Variants in PDGFRB observed in about 807,000 individuals in gnomAD.
PDGFRB encodes platelet derived growth factor receptor beta.
In PDGFRB, 42 loss-of-function variants were observed where a neutral mutation model predicts 120.2. That is an observed-to-expected ratio of 0.35 (90% CI 0.27 to 0.45). The LOEUF (loss-of-function observed/expected upper bound fraction) is 0.45. Ranked by LOEUF, PDGFRB falls within the 20% of genes least tolerant of loss-of-function variation. The pLI is 1.00. For synonymous variants in PDGFRB, 586 were observed against 606.8 expected, an observed-to-expected ratio of 0.97 and a Z score of 0.50; for missense variants, 1,149 against 1,476.3, an observed-to-expected ratio of 0.78 and a Z score of 3.63.
In PDGFRB at chr5:150,135,688, C is replaced by A; in HGVS notation, c.231G>T (p.Gln77His). The A allele has an allele frequency of 6.2e-7, 1 of 1,614,170 alleles. No homozygotes were observed. Residue 77 changes from glutamine to histidine, a missense_variant, in exon 3 of 23, where the codon CAG becomes CAT. Physicochemically the swap from Gln to His is conservative, Grantham distance 24 (BLOSUM62 0). Coordinates refer to ENST00000261799, the MANE Select transcript of PDGFRB (RefSeq NM_002609.4). Reference sequence around the variant, plus strand: ...TGAGCACGCTGGAGAAGGTGCCATCCTGGGCCTTGGCCATTTCCTGTGGGG... The same window carrying A: ...TGAGCACGCTGGAGAAGGTGCCATCATGGGCCTTGGCCATTTCCTGTGGGG... ...QEPPQEMAKA[Q>H]DGTFSSVLTL...
At position 150,121,883 on chromosome 5, in the gene PDGFRB, A is replaced by G; in HGVS notation, c.2341T>C (p.Ser781Pro). The G allele has an allele frequency of 6.2e-7, 1 of 1,610,474 alleles. No homozygotes were observed. The highest frequency in any genetic ancestry group is 8.5e-7 in the Non-Finnish European group (1 of 1,176,770). The change falls in exon 16 of 23, where the codon TCT (serine) becomes CCT (proline). Residue 781 changes from serine (S) to proline (P), a missense_variant. By Grantham distance (74) the Ser-to-Pro change is moderately conservative. Transcript: ENST00000261799. The surrounding 1 kb of genome is among the most constrained non-coding windows in gnomAD (Gnocchi z 4.1). ...YMAPYDNYVPSAPERTCRATL... is the reference protein window; with the variant it reads ...YMAPYDNYVPPAPERTCRATL... ...CTATGTCACTATGTCCACCCACCAG[A>G]GGGAACGTAGTTATCGTAAGGGGCC... is the stretch of plus-strand genomic sequence containing the variant.
chr5:150,136,908 G>A (rs1479242678), intron 2 of PDGFRB, 100 bp downstream of exon 2: 5 of 882,932 alleles, frequency 5.7e-6, no homozygotes, highest in Non-Finnish European at 9.3e-6. Flanking sequence ...CAGTGTGCCT[G>A]GTGCTTCACG....
At chr5:150,147,697 C>T (rs1760963324) in intron 1 of PDGFRB, among the ~76,000 whole-genome samples, 1 of 152,206 alleles carries the variant, frequency 6.6e-6, no homozygotes, top group Admixed American at 6.5e-5. Context: ...TTCACTGACC[C>T]TCTCACTGTC....
chr5:150,130,463 G>A, intron 9 of PDGFRB, 76 bp downstream of exon 9: 1 of 1,410,986 alleles, frequency 7.1e-7, no homozygotes, highest in African/African-American at 1.4e-5. Context: ...AGAAGAACGG[G>A]CGGGACTAGA....
At chr5:150,153,258 A>T (rs1761129609) in intron 1 of PDGFRB, among the ~76,000 whole-genome samples, 1 of 152,158 alleles carries the variant, frequency 6.6e-6, no homozygotes, top group Admixed American at 6.5e-5. Context: ...GCTGTCTGGG[A>T]GGAGGGTGCT....
rs200628633 is a variant in PDGFRB, at chr5:150,120,868, G to C, written c.2586+20C>G. On this transcript the variant is annotated intron_variant, in intron 18 of 22. Transcript: ENST00000261799. This position sits in a 1 kb window ranked among gnomAD's most constrained non-coding sequence, Gnocchi z 4.3. ...CACAGGCACTGTGACTGCCCTGCAG[G>C]GGCCAGGGAAGGTACTCACGCTGCC... 16 of 1,611,682 alleles carry C rather than the reference G, an allele frequency of 9.9e-6. No homozygotes were observed. In the Admixed American group the frequency reaches 2.2e-4, roughly 22 times the overall value.
intron 10 of PDGFRB, among the ~76,000 whole-genome samples, chr5:150,127,289 C>G (rs1760322094): frequency 6.6e-6 from 1 of 152,158 alleles, no homozygotes; most frequent in Admixed American, 6.5e-5. Context: ...CAGCTTCCCA[C>G]TCTCCTCATC....
chr5:150,124,785 C>G lies in PDGFRB; in HGVS notation c.1854G>C (p.Thr618=). The G allele has an allele frequency of 6.2e-7, 1 of 1,610,162 alleles. No homozygotes were observed. Among genetic ancestry groups the G allele is most frequent in the Non-Finnish European group, 8.5e-7 (1 of 1,177,528 alleles). The change falls in exon 13 of 23, where the codon ACG becomes ACC. Residue 618 remains threonine, a synonymous_variant. Coordinates refer to ENST00000261799, the MANE Select transcript of PDGFRB (RefSeq NM_002609.4). Reference sequence around the variant, plus strand: ...CCTGAGAATGGCTCAGGCCATGAGCCGTGGCCTCCACCACCTGCCCAAAGG... The same window carrying G: ...CCTGAGAATGGCTCAGGCCATGAGCGGTGGCCTCCACCACCTGCCCAAAGG... ...SGAFGQVVEA[T]AHGLSHSQAT...
chr5:150,129,484 A>G (rs1020614732), intron 10 of PDGFRB, among the ~76,000 whole-genome samples: 3 of 152,256 alleles, frequency 2.0e-5, no homozygotes, highest in East Asian at 1.9e-4. Context: ...GCTCATGTAC[A>G]TGGCTTACGA....
At position 150,121,201 on chromosome 5, in the gene PDGFRB, TAC is replaced by T; in HGVS notation, c.2463+1_2463+2del. 6.9e-7 allele frequency: 1 copy of T among 1,447,740 alleles called. No individual in the cohort carries two copies. 89.7% of individuals were successfully genotyped at this position (1,447,740 alleles called of 1,614,324 possible). A position where few individuals can be genotyped will look rare whatever the true frequency, so the allele number is the denominator to read the frequency against. On this transcript the variant is annotated splice_donor_variant, in intron 17 of 22. Coordinates refer to ENST00000261799, the MANE Select transcript of PDGFRB (RefSeq NM_002609.4). LOFTEE classifies it high-confidence loss of function. The surrounding 1 kb of genome is among the most constrained non-coding windows in gnomAD (Gnocchi z 4.1). ...CACTCTGCCCCACCAACACCACACG[TAC>T]GTTCTTGGAGGCCAGAAACTCCATG...
rs147952898 is a variant in PDGFRB, at chr5:150,135,755, G to A, written c.164C>T (p.Ser55Leu). 100 of 1,613,918 alleles carry A rather than the reference G, an allele frequency of 6.2e-5. No individual in the cohort carries two copies. Among genetic ancestry groups the A allele is most frequent in the Non-Finnish European group, 7.9e-5 (93 of 1,179,888 alleles). The change falls in exon 3 of 23, where the codon TCG becomes TTG. Residue 55 changes from serine (S) to leucine (L), a missense_variant. By Grantham distance (145) the Ser-to-Leu change is moderately radical. This residue lies in a region of PDGFRB where 879 missense variants were observed against 1,108.6 expected (regional missense o/e 0.79). Coordinates refer to ENST00000261799, the MANE Select transcript of PDGFRB (RefSeq NM_002609.4). ...NVSSTFVLTC[S>L]GSAPVVWERM... Reference sequence around the variant, plus strand: ...TTCCCACACCACCGGAGCTGAACCCGAGCAGGTCAGAACGAAGGTGCTGGA... The same window carrying A: ...TTCCCACACCACCGGAGCTGAACCCAAGCAGGTCAGAACGAAGGTGCTGGA...
rs890800361 is a variant in PDGFRB at position 150,133,995 on chromosome 5, G to A, written c.645C>T (p.Asn215=). The A allele has an allele frequency of 1.4e-5, 23 of 1,613,902 alleles. No individual in the cohort carries two copies. The highest frequency in any genetic ancestry group is 9.3e-5 in the African/African-American group (7 of 74,914). ...CAGTCTGCACTGCGTTCACAGAGAC[G>A]TTGATGGATGACACTGGTAGAGAGA... The part of the protein sequence containing the change: ...YVYRLQVSSI[N]VSVNAVQTVV... Residue 215 remains asparagine (N), a synonymous_variant, in exon 5 of 23, where the codon AAC becomes AAT. Transcript: ENST00000261799.
At position 150,114,132 on chromosome 5, in the gene PDGFRB, G is replaced by C. The variant is rs902322736; in HGVS notation, c.*1631C>G. 4.3e-6 allele frequency: 1 copy of C among 233,286 alleles called. No individual in the cohort carries two copies. Among genetic ancestry groups the C allele is most frequent in the Non-Finnish European group, 8.5e-6 (1 of 117,960 alleles). The allele number at this position is 233,286 out of a possible 1,614,324, so 14.5% of individuals were successfully genotyped here. On this transcript the variant is annotated 3_prime_UTR_variant, in exon 23 of 23. Coordinates refer to ENST00000261799, the MANE Select transcript of PDGFRB (RefSeq NM_002609.4). ...CTGCACCCCCTTCCCAACCCTCCCC[G>C]TGCGGGGGCGTCTTGGCTACAACCC...
At chr5:150,118,929 G>T in intron 20 of PDGFRB, 77 bp from the exon 21 acceptor site, 1 of 841,048 alleles carries the variant, frequency 1.2e-6, no homozygotes, top group Non-Finnish European at 2.0e-6. Flanking sequence ...GCAGGAGGCT[G>T]CTGCCTCTCA....
Position 150,120,936 on chromosome 5 carries a change from G to A in PDGFRB, c.2538C>T (p.Gly846=). The A allele has an allele frequency of 6.2e-7, 1 of 1,613,908 alleles. No homozygotes were observed. Among genetic ancestry groups the A allele is most frequent in the Non-Finnish European group, 8.5e-7 (1 of 1,179,814 alleles). ...EGKLVKICDF[G]LARDIMRDSN... The stretch of plus-strand genomic sequence containing the variant: ...AGTCCCGCATGATGTCTCGAGCCAG[G>A]CCAAAGTCACAGATCTTGACCAGCT... Residue 846 remains glycine (G), a synonymous_variant, in exon 18 of 23, where the codon GGC becomes GGT. Coordinates refer to ENST00000261799, the MANE Select transcript of PDGFRB (RefSeq NM_002609.4). The surrounding 1 kb of genome is among the most constrained non-coding windows in gnomAD (Gnocchi z 4.3).
chr5:150,150,395 C>T (rs1017084060), intron 1 of PDGFRB, among the ~76,000 whole-genome samples: 1 of 152,224 alleles, frequency 6.6e-6, no homozygotes, highest in African/African-American at 2.4e-5. Flanking sequence ...AACTTTCAGA[C>T]CCCCTGACCC....
Position 150,135,667 on chromosome 5 carries a change from C to T in PDGFRB, c.252G>A (p.Val84=), listed in dbSNP as rs140893382. Reference sequence around the variant, plus strand: ...GCCCAGTGAGGTTGGTCAGTGTGAGCACGCTGGAGAAGGTGCCATCCTGGG... The same window carrying T: ...GCCCAGTGAGGTTGGTCAGTGTGAGTACGCTGGAGAAGGTGCCATCCTGGG... ...AKAQDGTFSS[V]LTLTNLTGLD... The change falls in exon 3 of 23, where the codon GTG becomes GTA. Residue 84 remains valine (V), a synonymous_variant. Coordinates refer to ENST00000261799, the MANE Select transcript of PDGFRB (RefSeq NM_002609.4). 1.9e-6 allele frequency: 3 copies of T among 1,613,938 alleles called. No homozygotes were observed. The highest frequency in any genetic ancestry group is 2.5e-6 in the Non-Finnish European group (3 of 1,179,912).
chr5:150,133,585 C>G lies in PDGFRB; in HGVS notation c.934+1G>C. On this transcript the variant is annotated splice_donor_variant, in intron 6 of 22. Coordinates refer to ENST00000261799, the MANE Select transcript of PDGFRB (RefSeq NM_002609.4). LOFTEE classifies it high-confidence loss of function. ...GATTGGGCTGAGCCCAAGGCACACACCAACCACGGTGATGTTGATGGCCTT... is the reference window on the plus strand; with the variant it reads ...GATTGGGCTGAGCCCAAGGCACACAGCAACCACGGTGATGTTGATGGCCTT... The G allele has an allele frequency of 1.9e-6, 3 of 1,613,172 alleles. No individual in the cohort carries two copies. The highest frequency in any genetic ancestry group is 2.5e-6 in the Non-Finnish European group (3 of 1,179,234).
chr5:150,122,200 A>C, intron 15 of PDGFRB, 160 bp from the exon 16 acceptor site: 2 of 610,594 alleles, frequency 3.3e-6, no homozygotes, highest in South Asian at 2.0e-5. Flanking sequence ...TTTTCAACCA[A>C]CCTGCTGGGC....
Sources: gnomAD v4.1 joint callset for allele counts (sites outside exome capture counted in the v4.1 genomes callset) on GRCh38, gnomAD v4.1.1 for gene constraint, gnomAD v4.1.1 regional missense constraint, Gnocchi (gnomAD v3.1) non-coding constraint, MANE v1.5 for transcripts, NCBI Gene and HGNC (gene_info 2026-07-23, HGNC 2026-07-21) for gene names.